The following PER3 variants were observed in gnomAD, a reference collection of about 807,000 sequenced individuals.
The protein encoded by PER3 is period circadian protein homolog 3.
In PER3, 107 loss-of-function variants were observed where a neutral mutation model predicts 127.2. The observed-to-expected ratio is 0.84, with a 90% confidence interval of 0.72 to 0.99. The LOEUF is 0.99. Ranked by LOEUF, PER3 falls within the 50% of genes least tolerant of loss-of-function variation. The pLI is 0.00. For synonymous variants in PER3, 618 were observed against 585.8 expected (o/e 1.05, Z -0.79); for missense variants, 1,560 against 1,525.8 (o/e 1.02, Z -0.37).
intron 5 of PER3, chr1:7,788,470 T>C (rs1341580402): frequency 1.9e-6 from 1 of 535,686 alleles, no homozygotes; most frequent in South Asian, 2.6e-5. Flanking sequence ...ACAGATGATA[T>C]GTCATAAATA....
Position 7,786,766 on chromosome 1 carries a change from AG to A in PER3, c.322del (p.Ala108GlnfsTer3). The A allele has an allele frequency of 6.2e-7, 1 of 1,612,400 alleles. No individual in the cohort carries two copies. The highest frequency in any genetic ancestry group is 8.5e-7 in the Non-Finnish European group (1 of 1,178,444). On this transcript the variant is annotated frameshift_variant, in exon 4 of 22. Coordinates refer to ENST00000377532, the MANE Select transcript of PER3 (RefSeq NM_001377275.1). LOFTEE classifies it high-confidence loss of function. ...FQILSQNGAP[Q>X]ADVSMYSLEE... ...ATTCTCAGTCAGAATGGAGCACCTC[AG>A]GCAGATGTGAGCATGTACAGTCTTG...
At position 7,827,377 on chromosome 1, in the gene PER3, C is replaced by T; in HGVS notation, c.2448C>T (p.Thr816=). 1.9e-6 allele frequency: 3 copies of T among 1,614,174 alleles called. No individual in the cohort carries two copies. Among genetic ancestry groups the T allele is most frequent in the Non-Finnish European group, 1.7e-6 (2 of 1,180,042 alleles). ...CAGCTTTTCCCCTCCCAGCCGCGACCTCACCCGGAAGAGAATACGCAGCCC... is the reference window on the plus strand; with the variant it reads ...CAGCTTTTCCCCTCCCAGCCGCGACTTCACCCGGAAGAGAATACGCAGCCC... ...LVPAFPLPAA[T]SPGREYAAPG... Residue 816 remains threonine (T), a synonymous_variant, in exon 18 of 22, where the codon ACC becomes ACT. Transcript: ENST00000377532.
In PER3 at chr1:7,827,364, T is replaced by C. The variant is rs776616940; in HGVS notation, c.2435T>C (p.Leu812Pro). ...CCTTACCTCGTCCCAGCTTTTCCCC[T>C]CCCAGCCGCGACCTCACCCGGAAGA... is the stretch of plus-strand genomic sequence containing the variant. ...QAPYLVPAFPLPAATSPGREY... is the reference protein window; with the variant it reads ...QAPYLVPAFPPPAATSPGREY... The change falls in exon 18 of 22, where the codon CTC becomes CCC. Residue 812 changes from leucine to proline, a missense_variant. Around this residue, in one of 3 missense-constraint regions of PER3, gnomAD observed 1,332 missense variants for 1,223.6 expected, o/e 1.09. Coordinates refer to ENST00000377532, the MANE Select transcript of PER3 (RefSeq NM_001377275.1). 314 of 1,613,812 alleles carry C rather than the reference T, an allele frequency of 1.9e-4. 1 individual carries two copies. In the African/African-American group the frequency reaches 2.4e-3, roughly 12 times the overall value.
rs558129416 is a variant in PER3 at position 7,785,888 on chromosome 1, C to T, written c.274+302C>T. 2.6e-5 allele frequency among the ~76,000 whole-genome samples: 4 copies of T among 152,298 alleles called. No individual in the cohort carries two copies. In the East Asian group the frequency reaches 7.7e-4, roughly 29 times the overall value. The stretch of plus-strand genomic sequence containing the variant: ...GGCTGACCTTTTAAAGAAATATTGT[C>T]TTCTATGGAAGTTATGGGAAAAAAA... On this transcript the variant is annotated intron_variant, in intron 3 of 21. Transcript: ENST00000377532.
intron 6 of PER3, among the ~76,000 whole-genome samples, chr1:7,794,938 G>T (rs696306): frequency 0.38 from 58,012 of 151,434 alleles, 12,017 homozygotes; most frequent in African/African-American, 0.54. Flanking sequence ...TTTGTAATAA[G>T]AACAAATATT....
chr1:7,837,076 G>C lies in PER3; in HGVS notation c.3476G>C (p.Gly1159Ala), dbSNP rs199960311. Residue 1159 changes from glycine to alanine, a missense_variant, in exon 21 of 22, where the codon GGG becomes GCG. Gly to Ala is a moderately conservative substitution (Grantham distance 60). Transcript: ENST00000377532. ...CAGCAGCAGCCCCAGTTTTCTCATG[G>C]GCAAAAGGAGGAGCTGGCTAAGGTG... ...MRQQQPQFSHGQKEELAKVYN... is the reference protein window; with the variant it reads ...MRQQQPQFSHAQKEELAKVYN... 3.7e-5 allele frequency: 60 copies of C among 1,613,870 alleles called. No homozygotes were observed. Among genetic ancestry groups the C allele is most frequent in the Non-Finnish European group, 4.9e-5 (58 of 1,179,918 alleles).
At chr1:7,830,196 A>G (rs763377694) in intron 19 of PER3, 35 bp downstream of exon 19, 1 of 1,554,866 alleles carries the variant, frequency 6.4e-7, no homozygotes, top group Non-Finnish European at 8.9e-7. Context: ...TTCAAACTCC[A>G]ATGCCAGACA....
chr1:7,821,233 G>A (rs2097275007), intron 16 of PER3, among the ~76,000 whole-genome samples: 2 of 152,210 alleles, frequency 1.3e-5, no homozygotes, highest in Non-Finnish European at 1.5e-5. Flanking sequence ...TGACAAATAC[G>A]TTAAATTGGG....
Position 7,835,938 on chromosome 1 carries a change from C to G in PER3, c.3391C>G (p.Pro1131Ala), listed in dbSNP as rs267598729. ...GCGCATTCTCATGACATACCAGGTACCTGAGAGGTAAGAAAGCACTTTAGA... is the reference window on the plus strand; with the variant it reads ...GCGCATTCTCATGACATACCAGGTAGCTGAGAGGTAAGAAAGCACTTTAGA... ...PERILMTYQV[P>A]ERVKEVVLKE... is the part of the protein sequence containing the mutation. Residue 1131 changes from proline to alanine, a missense_variant, in exon 20 of 22, where the codon CCT becomes GCT. Around this residue, in one of 3 missense-constraint regions of PER3, gnomAD observed 199 missense variants for 198.6 expected, o/e 1.00. Coordinates refer to ENST00000377532, the MANE Select transcript of PER3 (RefSeq NM_001377275.1). The G allele has an allele frequency of 1.3e-6, 2 of 1,583,534 alleles. No homozygotes were observed. The highest frequency in any genetic ancestry group is 1.4e-5 in the African/African-American group (1 of 73,668).
Position 7,826,711 on chromosome 1 carries a change from G to T in PER3, c.2188+1G>T, listed in dbSNP as rs748109821. 9 of 1,567,916 alleles carry T rather than the reference G, an allele frequency of 5.7e-6. No homozygotes were observed. In the African/African-American group the frequency reaches 1.2e-4, roughly 21 times the overall value. On this transcript the variant is annotated splice_donor_variant, in intron 17 of 21. Transcript: ENST00000377532. LOFTEE classifies it high-confidence loss of function. The surrounding 1 kb of genome is among the most constrained non-coding windows in gnomAD (Gnocchi z 4.2). ...AAAGCTAAATATTCATATTTTCAAG[G>T]TACGTAATTTTTTAAAAATAAATGC... is the stretch of plus-strand genomic sequence containing the variant.
rs757076214 is a variant in PER3 at position 7,826,552 on chromosome 1, T to G, written c.2030T>G (p.Phe677Cys). The G allele has an allele frequency of 1.8e-5, 29 of 1,613,894 alleles. No individual in the cohort carries two copies. In the South Asian group the frequency reaches 3.1e-4, roughly 17 times the overall value. ...MQPAPLTSEEFKHVGLTAAVL... is the reference protein window; with the variant it reads ...MQPAPLTSEECKHVGLTAAVL... ...CCAGCCCCTTTGACCTCGGAAGAAT[T>G]TAAACACGTGGGGCTCACAGCGGCT... Residue 677 changes from phenylalanine to cysteine, a missense_variant, in exon 17 of 22, where the codon TTT (phenylalanine) becomes TGT (cysteine). This residue lies in a region of PER3 where 1,332 missense variants were observed against 1,223.6 expected (regional missense o/e 1.09). Transcript: ENST00000377532. This position sits in a 1 kb window ranked among gnomAD's most constrained non-coding sequence, Gnocchi z 4.2.
intron 18 of PER3, 125 bp from the exon 19 acceptor site, chr1:7,829,709 A>G (rs1249168604): frequency 2.7e-6 from 2 of 731,742 alleles, no homozygotes; most frequent in East Asian, 2.6e-5. Flanking sequence ...TCCATTTACT[A>G]TTTTTGGACC....
intron 7 of PER3, 82 bp downstream of exon 7, chr1:7,798,755 C>A: frequency 3.5e-6 from 4 of 1,148,882 alleles, no homozygotes; most frequent in Admixed American, 1.9e-5. Context: ...CATAGAACAA[C>A]AAAAAGAGCT....
intron 13 of PER3, among the ~76,000 whole-genome samples, chr1:7,816,392 G>A (rs1265488530): frequency 6.6e-6 from 1 of 152,134 alleles, no homozygotes; most frequent in African/African-American, 2.4e-5. Flanking sequence ...ATACCACCCT[G>A]AACGTACCCA....
At chr1:7,821,047 C>A (rs2097274274) in intron 16 of PER3, among the ~76,000 whole-genome samples, 1 of 152,238 alleles carries the variant, frequency 6.6e-6, no homozygotes. Context: ...CTCAGTCACA[C>A]ATACCTTCAG....
chr1:7,826,552 T>C lies in PER3; in HGVS notation c.2030T>C (p.Phe677Ser), dbSNP rs757076214. 3.7e-6 allele frequency: 6 copies of C among 1,613,894 alleles called. No individual in the cohort carries two copies. In the South Asian group the frequency reaches 6.6e-5, roughly 18 times the overall value. ...CCAGCCCCTTTGACCTCGGAAGAAT[T>C]TAAACACGTGGGGCTCACAGCGGCT... ...MQPAPLTSEE[F>S]KHVGLTAAVL... The change falls in exon 17 of 22, where the codon TTT (phenylalanine) becomes TCT (serine). Residue 677 changes from phenylalanine to serine, a missense_variant. This residue lies in a region of PER3 where 1,332 missense variants were observed against 1,223.6 expected (regional missense o/e 1.09). Coordinates refer to ENST00000377532, the MANE Select transcript of PER3 (RefSeq NM_001377275.1). This position sits in a 1 kb window ranked among gnomAD's most constrained non-coding sequence, Gnocchi z 4.2.
chr1:7,807,384 C>T (rs943908355), intron 10 of PER3, among the ~76,000 whole-genome samples: 3 of 152,160 alleles, frequency 2.0e-5, no homozygotes, highest in South Asian at 4.1e-4. Flanking sequence ...AGTCCCTAGA[C>T]GTGGAGATAT....
intron 16 of PER3, among the ~76,000 whole-genome samples, chr1:7,823,120 T>A (rs1427910289): frequency 6.6e-6 from 1 of 152,160 alleles, no homozygotes; most frequent in African/African-American, 2.4e-5. Flanking sequence ...AACAGATTTT[T>A]AAAAATCAAG....
At chr1:7,789,370 G>A (rs1384905050) in intron 5 of PER3, among the ~76,000 whole-genome samples, 5 of 152,092 alleles carry the variant, frequency 3.3e-5, no homozygotes, top group African/African-American at 9.7e-5. Flanking sequence ...TGCTGTTCTC[G>A]TGATAGTGGA....
Sources: allele counts gnomAD v4.1 joint callset (sites outside exome capture counted in the v4.1 genomes callset), GRCh38; gene constraint gnomAD v4.1.1; regional missense constraint gnomAD v4.1.1; non-coding constraint Gnocchi (gnomAD v3.1); transcripts MANE v1.5; gene names NCBI Gene and HGNC (gene_info 2026-07-23, HGNC 2026-07-21).